Variants in ENTR1 observed in about 807,000 individuals in gnomAD.
ENTR1 encodes endosome-associated-trafficking regulator 1.
In ENTR1, 47 loss-of-function variants were observed where a neutral mutation model predicts 47.9. That is an observed-to-expected ratio of 0.98 (90% confidence interval 0.78 to 1.25). The LOEUF is 1.25. Among genes scored for constraint, ENTR1 ranks in the 50% most tolerant of loss-of-function variants. The pLI, the probability that ENTR1 is intolerant of heterozygous loss-of-function variation, is 0.00. For missense variants in ENTR1, 668 were observed against 570.5 expected (o/e 1.17, Z -1.74); for synonymous variants, 290 against 245.8 (o/e 1.18, Z -1.68).
In ENTR1 at chr9:136,407,537, G is replaced by C. The variant is rs762767732; in HGVS notation, c.427C>G (p.Leu143Val). 6 of 1,567,990 alleles carry C rather than the reference G, an allele frequency of 3.8e-6. No individual in the cohort carries two copies. The South Asian group carries it at 4.5e-5, about 12-fold the overall frequency. Residue 143 changes from leucine (L) to valine (V), a missense_variant, in exon 5 of 10, where the codon CTT (leucine) becomes GTT (valine). Transcript: ENST00000357365. The part of the protein sequence containing the change: ...AKEASRHSLG[L>V]DHNSPPSQTG... ...TGGGAGGGTGGGGAGTTGTGGTCAA[G>C]TCCCAGGGAATGCCTCGAGGCTTCC...
At chr9:136,408,795 G>GC (rs1834911740) in intron 3 of ENTR1, among the ~76,000 whole-genome samples, 2 of 152,084 alleles carry the variant, frequency 1.3e-5, no homozygotes, top group Non-Finnish European at 2.9e-5. Context: ...TGTGGCCCCA[G>GC]CCCCCCAGGT....
In ENTR1 at chr9:136,402,794, G is replaced by A. The variant is rs766610548; in HGVS notation, c.1302C>T (p.Asp434=). Residue 434 remains aspartate, a synonymous_variant, in exon 10 of 10, where the codon GAC becomes GAT. Transcript: ENST00000357365. ...TGAGAACACCCAGGGGTCCTCAAGA[G>A]TCTTCCTCCTCGTCTTTAACTTCAG... The part of the protein sequence containing the change: ...RISEVKDEEE[D]S 45 of 1,611,510 alleles carry A rather than the reference G, an allele frequency of 2.8e-5. No homozygotes were observed. In the South Asian group the frequency reaches 4.4e-4, roughly 16 times the overall value.
At chr9:136,403,984 AG>A in intron 9 of ENTR1, 70 bp downstream of exon 9, 1 of 1,488,956 alleles carries the variant, frequency 6.7e-7, no homozygotes, top group East Asian at 2.4e-5. Context: ...GCCCCCACCC[AG>A]GATCACTGAC....
chr9:136,407,413 C>G lies in ENTR1; in HGVS notation c.551G>C (p.Trp184Ser), dbSNP rs1257476053. ...LDEEEDEDTG[W>S]SGAYLPSAIE... ...GGCGGACGGCAGGTAGGCCCCACTC[C>G]ATCCGGTGTCCTCATCCTCCTCCTC... is the stretch of plus-strand genomic sequence containing the variant. Residue 184 changes from tryptophan (W) to serine (S), a missense_variant, in exon 5 of 10, where the codon TGG (tryptophan) becomes TCG (serine). Physicochemically the swap from Trp to Ser is radical, Grantham distance 177. Transcript: ENST00000357365. 7.5e-6 allele frequency: 12 copies of G among 1,609,248 alleles called. No homozygotes were observed. The South Asian group carries it at 1.3e-4, about 18-fold the overall frequency.
At chr9:136,403,846 G>A (rs530116251) in intron 9 of ENTR1, among the ~76,000 whole-genome samples, 89 of 152,296 alleles carry the variant, frequency 5.8e-4, no homozygotes, top group African/African-American at 2.1e-3. Context: ...GGTGGGATCA[G>A]ACACTGCGAG....
intron 5 of ENTR1, 189 bp downstream of exon 5, chr9:136,406,956 T>C (rs1262358211): frequency 8.3e-6 from 5 of 600,128 alleles, no homozygotes; most frequent in African/African-American, 7.4e-5. Context: ...CAGTCCTCTT[T>C]AGCCGGTTCT....
intron 2 of ENTR1, among the ~76,000 whole-genome samples, 195 bp from the exon 3 acceptor site, chr9:136,409,262 G>C (rs1834950304): frequency 6.6e-6 from 1 of 151,364 alleles, no homozygotes; most frequent in South Asian, 2.1e-4. Context: ...CTCCCTGCAA[G>C]CTCCGCCTCC....
At chr9:136,408,698 C>G (rs1020448190) in intron 3 of ENTR1, among the ~76,000 whole-genome samples, 1 of 152,144 alleles carries the variant, frequency 6.6e-6, no homozygotes, top group African/African-American at 2.4e-5. Context: ...TTCCCTTCTC[C>G]CTCTTGCCAC....
chr9:136,402,877 A>G lies in ENTR1; in HGVS notation c.1219T>C (p.Ser407Pro), dbSNP rs1834553489. The G allele has an allele frequency of 6.2e-7, 1 of 1,612,096 alleles. No homozygotes were observed. The highest frequency in any genetic ancestry group is 1.3e-5 in the African/African-American group (1 of 74,496). ...SAQASIKQLV[S>P]GAETLNLVAE... Reference sequence around the variant, plus strand: ...ACAAGATTCAGTGTCTCAGCTCCGGAAACCAGTTGCCTGAAAACAAGCATG... The same window carrying G: ...ACAAGATTCAGTGTCTCAGCTCCGGGAACCAGTTGCCTGAAAACAAGCATG... Residue 407 changes from serine (S) to proline (P), a missense_variant, in exon 10 of 10, where the codon TCC (serine) becomes CCC (proline). Ser to Pro is a moderately conservative substitution (Grantham distance 74). Transcript: ENST00000357365.
chr9:136,407,608 T>C (rs1259341232), intron 4 of ENTR1, 47 bp from the exon 5 acceptor site: 2 of 1,498,400 alleles, frequency 1.3e-6, no homozygotes, highest in African/African-American at 1.4e-5. Flanking sequence ...TGCTTCTGAC[T>C]CGGAGCGCAT....
chr9:136,405,758 G>C (rs989314095), intron 6 of ENTR1, 147 bp downstream of exon 6: 32 of 549,652 alleles, frequency 5.8e-5, no homozygotes, highest in Non-Finnish European at 6.3e-6. Context: ...CTTTTAGGCA[G>C]AACACAGAAA....
In ENTR1 at chr9:136,405,212, G is replaced by GA. The variant is rs1226456683; in HGVS notation, c.894-11dup. The GA allele has an allele frequency of 1.2e-6, 2 of 1,605,796 alleles. No homozygotes were observed. The highest frequency in any genetic ancestry group is 2.7e-5 in the African/African-American group (2 of 74,742). ...CTCAAGCGTCCTCACCCTTGTTAAA[G>GA]AAAAACCCGAGTTGTTAATTTCTGT... On this transcript the variant is annotated splice_polypyrimidine_tract_variant and intron_variant, in intron 6 of 9. Transcript: ENST00000357365.
intron 3 of ENTR1, among the ~76,000 whole-genome samples, chr9:136,408,278 G>A (rs1834877983): frequency 6.6e-6 from 1 of 152,152 alleles, no homozygotes; most frequent in Non-Finnish European, 1.5e-5. Context: ...TGTGCTAGGA[G>A]CTCTCAAAGC....
chr9:136,405,966 T>C lies in ENTR1; in HGVS notation c.832A>G (p.Asn278Asp), dbSNP rs1341574766. 5.0e-6 allele frequency: 8 copies of C among 1,608,958 alleles called. No individual in the cohort carries two copies. Among genetic ancestry groups the C allele is most frequent in the Non-Finnish European group, 6.8e-6 (8 of 1,177,924 alleles). Residue 278 changes from asparagine to aspartate, a missense_variant, in exon 6 of 10, where the codon AAT becomes GAT. Coordinates refer to ENST00000357365, the MANE Select transcript of ENTR1 (RefSeq NM_001039707.2). ...QISYDALKDE[N>D]SKLRRKLNEV... ...TTCAGCTTTCTTCTCAGCTTAGAATTTTCATCTTTCAGCTGTGGAGAGAGA... is the reference window on the plus strand; with the variant it reads ...TTCAGCTTTCTTCTCAGCTTAGAATCTTCATCTTTCAGCTGTGGAGAGAGA...
rs753739380 is a variant in ENTR1 at position 136,409,940 on chromosome 9, G to A, written c.220+150C>T. ...GCAACCAGACTGTGAGCTCCTAGCA[G>A]GGGACTCCGCCTTTGAATTCCGAGT... On this transcript the variant is annotated intron_variant, in intron 2 of 9. Transcript: ENST00000357365. 7.4e-6 allele frequency: 7 copies of A among 942,154 alleles called. No individual in the cohort carries two copies. The African/African-American group carries it at 1.1e-4, about 15-fold the overall frequency. The allele number at this position is 942,154 out of a possible 1,614,324, so 58.4% of individuals were successfully genotyped here.
At chr9:136,408,965 G>C (rs762907081) in intron 3 of ENTR1, 34 bp downstream of exon 3, 4 of 1,584,866 alleles carry the variant, frequency 2.5e-6, no homozygotes, top group South Asian at 1.1e-5. Flanking sequence ...GTGTTGGATG[G>C]AGACAAGAAG....
rs761067944 is a variant in ENTR1, at chr9:136,407,947, A to G, written c.290-9T>C. The G allele has an allele frequency of 3.3e-6, 5 of 1,536,102 alleles. No homozygotes were observed. The Admixed American group carries it at 8.4e-5, about 26-fold the overall frequency. On this transcript the variant is annotated splice_polypyrimidine_tract_variant and intron_variant, in intron 3 of 9. Coordinates refer to ENST00000357365, the MANE Select transcript of ENTR1 (RefSeq NM_001039707.2). The stretch of plus-strand genomic sequence containing the variant: ...ATCTTCAAATCTGTCATCTGAAATA[A>G]CAGACATCACAAATGCATAAAGTCT...
rs777755117 is a variant in ENTR1, at chr9:136,407,330, G to T, written c.634C>A (p.Leu212Ile). 9.3e-6 allele frequency: 15 copies of T among 1,610,104 alleles called. No homozygotes were observed. Among genetic ancestry groups the T allele is most frequent in the Non-Finnish European group, 1.2e-5 (14 of 1,178,990 alleles). Residue 212 changes from leucine (L) to isoleucine (I), a missense_variant, in exon 5 of 10, where the codon CTT (leucine) becomes ATT (isoleucine). Leu to Ile is a conservative substitution (Grantham distance 5). Coordinates refer to ENST00000357365, the MANE Select transcript of ENTR1 (RefSeq NM_001039707.2). Reference sequence around the variant, plus strand: ...TCCGACGGGGTGGAGAAAAAGGAAAGGTATGTGCTGCAGGGCGACGTGCCG... The same window carrying T: ...TCCGACGGGGTGGAGAAAAAGGAAATGTATGTGCTGCAGGGCGACGTGCCG... ...PAGTSPCSTY[L>I]SFFSTPSELA...
chr9:136,410,184 G>A lies in ENTR1; in HGVS notation c.126C>T (p.Pro42=), dbSNP rs781328096. ...AGGGGGAGTCCAGGTCCCTGCCATG[G>A]GGGCGCTCACAATTTAGCTGGGGGA... ...SCLPQLNCER[P]HGRDLDSPFF... is the part of the protein sequence containing the mutation. The change falls in exon 2 of 10, where the codon CCC becomes CCT. Residue 42 remains proline, a synonymous_variant. Coordinates refer to ENST00000357365, the MANE Select transcript of ENTR1 (RefSeq NM_001039707.2). 10 of 1,608,140 alleles carry A rather than the reference G, an allele frequency of 6.2e-6. No individual in the cohort carries two copies. The highest frequency in any genetic ancestry group is 1.7e-4 in the Middle Eastern group (1 of 6,054).
Sources: allele counts gnomAD v4.1 joint callset (sites outside exome capture counted in the v4.1 genomes callset), GRCh38; gene constraint gnomAD v4.1.1; transcripts MANE v1.5; gene names NCBI Gene and HGNC (gene_info 2026-07-23, HGNC 2026-07-21).